Variants in RBM6 observed in about 807,000 individuals in gnomAD.
The protein encoded by RBM6 is RNA binding motif protein 6.
In RBM6, 23 loss-of-function variants were observed where a neutral mutation model predicts 140.4. The ratio of observed to expected loss-of-function variants is 0.16; its 90% CI spans 0.12 to 0.23. RBM6 has a LOEUF of 0.23. RBM6 is among the 10% of genes least tolerant of loss of function. RBM6 has a pLI of 1.00. For synonymous variants in RBM6, 439 were observed against 475.6 expected (o/e 0.92, Z 1.00); for missense variants, 1,139 against 1,386.7 (o/e 0.82, Z 2.84).
chr3:49,960,011 GC>G (rs940746891), intron 1 of RBM6, among the ~76,000 whole-genome samples: 1 of 152,156 alleles, frequency 6.6e-6, no homozygotes, highest in African/African-American at 2.4e-5. Flanking sequence ...GTAATCTCTT[GC>G]CCCAAGTGCC....
chr3:49,959,494 C>T (rs1471318974), intron 1 of RBM6, among the ~76,000 whole-genome samples: 10 of 151,546 alleles, frequency 6.6e-5, no homozygotes, highest in South Asian at 2.1e-4. Flanking sequence ...CCGCCTCGCC[C>T]GGCCAATGTT....
rs376522104 is a variant in RBM6, at chr3:49,999,456, T to C, written c.1500T>C (p.Tyr500=). The change falls in exon 6 of 21, where the codon TAT becomes TAC. Residue 500 remains tyrosine (Y), a synonymous_variant. Transcript: ENST00000266022. ...TGTCCCCAGGTTACGACTATGGCTA[T>C]GTCTGCGTGGAGTTTTCACTCTTGG... ...KEYNTGYDYG[Y]VCVEFSLLED... 1 of 1,614,014 alleles carries C rather than the reference T, an allele frequency of 6.2e-7. No homozygotes were observed. Among genetic ancestry groups the C allele is most frequent in the Non-Finnish European group, 8.5e-7 (1 of 1,179,916 alleles).
At chr3:49,997,008 A>G (rs139374275) in intron 5 of RBM6, among the ~76,000 whole-genome samples, 246 of 152,284 alleles carry the variant, frequency 1.6e-3, no homozygotes, top group Non-Finnish European at 2.3e-3. Flanking sequence ...ACCTCTTAAG[A>G]TAGTATTGTG....
chr3:49,986,016 C>T (rs1051472392), intron 5 of RBM6, among the ~76,000 whole-genome samples: 4 of 151,764 alleles, frequency 2.6e-5, no homozygotes, highest in Admixed American at 2.6e-4. Flanking sequence ...GATGGGGTCT[C>T]ACTTTGTCAC....
At chr3:50,010,078 G>C (rs1421297401) in intron 6 of RBM6, among the ~76,000 whole-genome samples, 1 of 151,838 alleles carries the variant, frequency 6.6e-6, no homozygotes, top group Admixed American at 6.6e-5. Flanking sequence ...GTAGAGACAG[G>C]GTTTCACCAT....
chr3:50,035,813 C>T (rs184894901), intron 6 of RBM6, among the ~76,000 whole-genome samples: 61 of 151,664 alleles, frequency 4.0e-4, no homozygotes, highest in South Asian at 2.1e-4. Flanking sequence ...CAGGCTGGAA[C>T]GCAGTGGCGT....
chr3:50,070,511 T>G lies in RBM6; in HGVS notation c.3075T>G (p.Ser1025=), dbSNP rs1265547896. ...DRREKLQSFD[S]PERKRIKYSR... is the part of the protein sequence containing the mutation. ...GGGAAAAGCTCCAGTCTTTTGACTC[T>G]CCAGAAAGGAAACGGATTAAGTACT... is the stretch of plus-strand genomic sequence containing the variant. The change falls in exon 19 of 21, where the codon TCT becomes TCG. Residue 1025 remains serine (S), a synonymous_variant. Transcript: ENST00000266022. The G allele has an allele frequency of 6.2e-7, 1 of 1,613,868 alleles. No homozygotes were observed. Among genetic ancestry groups the G allele is most frequent in the East Asian group, 2.2e-5 (1 of 44,896 alleles).
At chr3:49,983,703 G>A (rs2085413446) in intron 5 of RBM6, among the ~76,000 whole-genome samples, 1 of 152,158 alleles carries the variant, frequency 6.6e-6, no homozygotes, top group Admixed American at 6.5e-5. Context: ...TTTTAACCAG[G>A]AGTCCTATCA....
At chr3:49,971,444 CA>C (rs1321486124) in intron 3 of RBM6, among the ~76,000 whole-genome samples, 63 of 134,002 alleles carry the variant, frequency 4.7e-4, no homozygotes, top group Middle Eastern at 3.7e-3. Flanking sequence ...CACTCTGTCT[CA>C]AAAAAAAAAA....
At chr3:49,977,626 G>A (rs1044135116) in intron 5 of RBM6, among the ~76,000 whole-genome samples, 3 of 152,102 alleles carry the variant, frequency 2.0e-5, no homozygotes, top group East Asian at 1.9e-4. Flanking sequence ...CTTGACACTC[G>A]GTAGGTTCCC....
intron 4 of RBM6, among the ~76,000 whole-genome samples, chr3:49,973,033 A>G (rs1025946406): frequency 6.6e-6 from 1 of 151,900 alleles, no homozygotes; most frequent in African/African-American, 2.4e-5. Flanking sequence ...GTTTCACCAC[A>G]TTGGTCAGGC....
At chr3:49,997,350 A>G (rs1309222189) in intron 5 of RBM6, among the ~76,000 whole-genome samples, 3 of 152,160 alleles carry the variant, frequency 2.0e-5, no homozygotes, top group Non-Finnish European at 4.4e-5. Context: ...AGATGCTCAT[A>G]ATGTTTTCTG....
intron 8 of RBM6, among the ~76,000 whole-genome samples, chr3:50,057,308 C>T (rs756723071): frequency 2.6e-5 from 4 of 152,060 alleles, no homozygotes; most frequent in Non-Finnish European, 4.4e-5. Flanking sequence ...CATTCCAGGC[C>T]GGGCGTGTTT....
chr3:49,992,283 C>G (rs1167886778), intron 5 of RBM6, among the ~76,000 whole-genome samples: 1 of 152,028 alleles, frequency 6.6e-6, no homozygotes, highest in East Asian at 1.9e-4. Context: ...TTGAGTTGCC[C>G]TTTATTTGCA....
chr3:50,048,444 C>T, intron 7 of RBM6, 125 bp downstream of exon 7: 1 of 1,471,624 alleles, frequency 6.8e-7, no homozygotes, highest in Non-Finnish European at 9.0e-7. Context: ...CAGGTCACTT[C>T]AGTTGAACAG....
chr3:50,073,044 C>T (rs2090353361), intron 19 of RBM6, among the ~76,000 whole-genome samples: 1 of 152,172 alleles, frequency 6.6e-6, no homozygotes, highest in African/African-American at 2.4e-5. Context: ...CTAAGGTACC[C>T]ATGGCCTCAA....
chr3:50,011,839 C>CTTTTT (rs201167549), intron 6 of RBM6, among the ~76,000 whole-genome samples: 2 of 143,682 alleles, frequency 1.4e-5, no homozygotes, highest in African/African-American at 2.6e-5. Context: ...TCTTTTCTTT[C>CTTTTT]TTTTTTTTTT....
intron 5 of RBM6, among the ~76,000 whole-genome samples, chr3:49,977,848 G>A (rs1472150308): frequency 6.6e-6 from 1 of 152,184 alleles, no homozygotes; most frequent in Non-Finnish European, 1.5e-5. Context: ...CAGGCATGGT[G>A]TTGCACACCT....
At chr3:50,008,086 A>T (rs1307287890) in intron 6 of RBM6, among the ~76,000 whole-genome samples, 1 of 152,176 alleles carries the variant, frequency 6.6e-6, no homozygotes, top group African/African-American at 2.4e-5. Flanking sequence ...ACAGAATGAG[A>T]TGCTGTCTCT....
Sources: gnomAD v4.1 joint callset for allele counts (sites outside exome capture counted in the v4.1 genomes callset) on GRCh38, gnomAD v4.1.1 for gene constraint, MANE v1.5 for transcripts, NCBI Gene and HGNC (gene_info 2026-07-23, HGNC 2026-07-21) for gene names.